CFAP20DC: variants seen among roughly 807,000 people sequenced by gnomAD.
CFAP20DC encodes the protein CFAP20 domain containing.
In CFAP20DC, 84 loss-of-function variants were observed where a neutral mutation model predicts 101.7. That is an observed-to-expected ratio of 0.83 (90% CI 0.69 to 0.99). The LOEUF (loss-of-function observed/expected upper bound fraction) is 0.99. CFAP20DC is among the 50% of genes least tolerant of loss of function. The pLI is 0.00. For synonymous variants in CFAP20DC, 359 were observed against 351.2 expected (o/e 1.02, Z -0.25); for missense variants, 1,007 against 970.3 (o/e 1.04, Z -0.50).
intron 4 of CFAP20DC, among the ~76,000 whole-genome samples, chr3:59,022,614 G>C (rs1191025664): frequency 6.6e-6 from 1 of 152,020 alleles, no homozygotes; most frequent in African/African-American, 2.4e-5. Flanking sequence ...ACATGAAACA[G>C]AAAGGTTGTT....
rs902576181 is a variant in CFAP20DC, at chr3:58,899,316, G to A, written c.550+14392C>T. 6.6e-6 allele frequency among the ~76,000 whole-genome samples: 1 copy of A among 152,216 alleles called. No individual in the cohort carries two copies. The highest frequency in any genetic ancestry group is 1.5e-5 in the Non-Finnish European group (1 of 68,038). On this transcript the variant is annotated intron_variant, in intron 6 of 16. Transcript: ENST00000482387. The surrounding 1 kb of genome is among the most constrained non-coding windows in gnomAD (Gnocchi z 5.0). ...GCTGAGTTGCCTAAACCACAGAGAT[G>A]TTGGCCACCCCTCCCACTGGGGACT...
intron 6 of CFAP20DC, among the ~76,000 whole-genome samples, chr3:58,904,093 A>T (rs1326654211): frequency 2.0e-5 from 3 of 152,054 alleles, no homozygotes; most frequent in African/African-American, 7.2e-5. Context: ...AACAATATTA[A>T]ATCTTCTAAT....
At position 59,046,120 on chromosome 3, in the gene CFAP20DC, T is replaced by C; in HGVS notation, c.205+109A>G. On this transcript the variant is annotated intron_variant, in intron 3 of 16. Transcript: ENST00000482387. ...AATTAAAAAAAAAATTCTATCATCT[T>C]ACATAAATAGATGTCAGTAGAAGTC... 4.0e-6 allele frequency: 3 copies of C among 757,700 alleles called. No individual in the cohort carries two copies. In the South Asian group the frequency reaches 5.1e-5, roughly 13 times the overall value. 46.9% of individuals were successfully genotyped at this position (757,700 alleles called of 1,614,324 possible).
At chr3:58,833,859 T>C (rs1283586208) in intron 13 of CFAP20DC, among the ~76,000 whole-genome samples, 1 of 152,180 alleles carries the variant, frequency 6.6e-6, no homozygotes, top group Non-Finnish European at 1.5e-5. Flanking sequence ...TTTATCCACA[T>C]AATGGAATAT....
At position 59,007,256 on chromosome 3, in the gene CFAP20DC, G is replaced by T. The variant is rs1209778394; in HGVS notation, c.278+32301C>A. Among the ~76,000 whole-genome samples the T allele has an allele frequency of 6.6e-6, 1 of 151,940 alleles. No homozygotes were observed. The highest frequency in any genetic ancestry group is 1.9e-4 in the East Asian group (1 of 5,174). On this transcript the variant is annotated intron_variant, in intron 4 of 16. Transcript: ENST00000482387. The surrounding 1 kb of genome is among the most constrained non-coding windows in gnomAD (Gnocchi z 4.4). ...CCCATCTGAAGGTACTCCTCTACCC[G>T]CCCTGGTAGCTGAACACAAAAGACA...
At chr3:59,023,867 T>C (rs1327619746) in intron 4 of CFAP20DC, among the ~76,000 whole-genome samples, 1 of 152,106 alleles carries the variant, frequency 6.6e-6, no homozygotes, top group Non-Finnish European at 1.5e-5. Flanking sequence ...GGTTGAACCA[T>C]ATCAGTGGAT....
chr3:58,939,861 G>A (rs906850386), intron 4 of CFAP20DC, among the ~76,000 whole-genome samples: 1 of 149,560 alleles, frequency 6.7e-6, no homozygotes, highest in Non-Finnish European at 1.5e-5. Flanking sequence ...CCGCCTCCCA[G>A]GTTCAAGCGA....
At chr3:59,047,978 T>C (rs1348605191) in intron 1 of CFAP20DC, among the ~76,000 whole-genome samples, 1 of 152,208 alleles carries the variant, frequency 6.6e-6, no homozygotes, top group Non-Finnish European at 1.5e-5. Context: ...TACAAATTAA[T>C]GTGAAGATCT....
At chr3:59,047,608 A>G (rs963485778) in intron 1 of CFAP20DC, among the ~76,000 whole-genome samples, 1 of 152,184 alleles carries the variant, frequency 6.6e-6, no homozygotes, top group East Asian at 1.9e-4. Flanking sequence ...CAACCACACT[A>G]AAGGGTTTAA....
rs573137236 is a variant in CFAP20DC, at chr3:58,795,073, C to A, written c.2237+11322G>T. Among the ~76,000 whole-genome samples, 1 of 149,284 alleles carries A rather than the reference C, an allele frequency of 6.7e-6. No homozygotes were observed. The highest frequency in any genetic ancestry group is 2.1e-4 in the South Asian group (1 of 4,812). ...TCCTAAACCTCAACTTGCATTCCCT[C>A]CCCACCTCCAGACAGAATGGAGGTG... On this transcript the variant is annotated intron_variant, in intron 15 of 16. Coordinates refer to ENST00000482387, the MANE Select transcript of CFAP20DC (RefSeq NM_001394063.1). The surrounding 1 kb of genome is among the most constrained non-coding windows in gnomAD (Gnocchi z 4.2).
rs1340988452 is a variant in CFAP20DC, at chr3:58,848,937, A to G, written c.1971+95T>C. On this transcript the variant is annotated intron_variant, in intron 13 of 16. Transcript: ENST00000482387. ...AAATACAACACTCATCACCCAAATG[A>G]TGAAAAAGAGATACTGCTAAAAACA... is the stretch of plus-strand genomic sequence containing the variant. 6 of 1,387,250 alleles carry G rather than the reference A, an allele frequency of 4.3e-6. No homozygotes were observed. In the Admixed American group the frequency reaches 1.6e-4, roughly 38 times the overall value. 85.9% of individuals were successfully genotyped at this position (1,387,250 alleles called of 1,614,324 possible).
At chr3:58,737,352 ACAAG>A (rs2067781014), downstream of CFAP20DC, 2 of 405,222 alleles carry the variant, frequency 4.9e-6, no homozygotes, top group Admixed American at 2.9e-5. This position sits in a 1 kb window ranked among gnomAD's most constrained non-coding sequence, Gnocchi z 4.1. Flanking sequence ...AACTAACCAA[ACAAG>A]CAAGCAAGCA....
intron 4 of CFAP20DC, among the ~76,000 whole-genome samples, chr3:58,975,142 T>A (rs2092201503): frequency 6.6e-6 from 1 of 152,198 alleles, no homozygotes; most frequent in Admixed American, 6.5e-5. Flanking sequence ...CAAGCTTTTT[T>A]TTTCAGCGGG....
At chr3:58,945,788 C>T (rs945167440) in intron 4 of CFAP20DC, among the ~76,000 whole-genome samples, 4 of 151,702 alleles carry the variant, frequency 2.6e-5, no homozygotes, top group Non-Finnish European at 5.9e-5. Context: ...CCTCCGCCTC[C>T]CTGGTTCAAG....
chr3:58,910,946 T>C (rs960347384), intron 6 of CFAP20DC, among the ~76,000 whole-genome samples: 2 of 152,180 alleles, frequency 1.3e-5, no homozygotes, highest in East Asian at 3.9e-4. Context: ...GAACTAGGCC[T>C]ACATATAGAT....
At chr3:58,968,670 C>T (rs756751676) in intron 4 of CFAP20DC, among the ~76,000 whole-genome samples, 8 of 152,156 alleles carry the variant, frequency 5.3e-5, no homozygotes, top group Non-Finnish European at 8.8e-5. Flanking sequence ...TCTGCTCACC[C>T]TGCTGATAGT....
At chr3:58,989,129 C>T (rs1404444564) in intron 4 of CFAP20DC, among the ~76,000 whole-genome samples, 1 of 151,954 alleles carries the variant, frequency 6.6e-6, no homozygotes, top group African/African-American at 2.4e-5. Flanking sequence ...CAATCAAAAT[C>T]CGAAATTTCC....
intron 4 of CFAP20DC, among the ~76,000 whole-genome samples, chr3:58,979,001 G>C (rs1412175605): frequency 6.6e-6 from 1 of 152,182 alleles, no homozygotes; most frequent in Non-Finnish European, 1.5e-5. Flanking sequence ...TTATCCCAGT[G>C]ATAGTGGTGA....
chr3:58,817,423 A>G (rs2107859823), intron 14 of CFAP20DC, among the ~76,000 whole-genome samples: 1 of 149,434 alleles, frequency 6.7e-6, no homozygotes, highest in Non-Finnish European at 1.5e-5. Flanking sequence ...AACTAGAATA[A>G]CCAATACAGA....
Sources: allele counts gnomAD v4.1 joint callset (sites outside exome capture counted in the v4.1 genomes callset), GRCh38; gene constraint gnomAD v4.1.1; non-coding constraint Gnocchi (gnomAD v3.1); transcripts MANE v1.5; gene names NCBI Gene and HGNC (gene_info 2026-07-23, HGNC 2026-07-21).